Variants in SERPINB8 observed in about 807,000 individuals in gnomAD.
The protein encoded by SERPINB8 is serpin B8.
SERPINB8 carries 25 observed loss-of-function variants against 35.3 expected under a neutral mutation model. That is an observed-to-expected ratio of 0.71 (90% CI 0.52 to 0.99). The LOEUF is 0.99. SERPINB8 is among the 50% of genes least tolerant of loss of function. The probability of loss-of-function intolerance (pLI) is 0.00; values close to 1 mark genes in which losing one functional copy is unlikely to be tolerated. For missense variants in SERPINB8, 484 were observed against 446.5 expected, an observed-to-expected ratio of 1.08 and a Z score of -0.76; for synonymous variants, 186 against 160.8, an observed-to-expected ratio of 1.16 and a Z score of -1.19.
At chr18:64,008,449 A>G (rs1233689028), downstream of SERPINB8, among the ~76,000 whole-genome samples, 4 of 151,332 alleles carry the variant, frequency 2.6e-5, no homozygotes, top group South Asian at 4.2e-4. Flanking sequence ...GGGTTTTACT[A>G]TGTTGGCCAG....
rs114914807 is a variant in SERPINB8, at chr18:63,979,755, G to C, written c.169-46G>C. 6.9e-5 allele frequency: 111 copies of C among 1,610,114 alleles called. No individual in the cohort carries two copies. The African/African-American group carries it at 1.4e-3, about 21-fold the overall frequency. On this transcript the variant is annotated intron_variant, in intron 2 of 6. Coordinates refer to ENST00000397985, the MANE Select transcript of SERPINB8 (RefSeq NM_002640.4). The stretch of plus-strand genomic sequence containing the variant: ...TTTGTTTGGAGAAAGCTCTTTGGGA[G>C]AGTATAATGGCAGCGTTAAAAGTCA...
At chr18:63,971,843 G>A (rs988249735) in intron 1 of SERPINB8, among the ~76,000 whole-genome samples, 2 of 152,080 alleles carry the variant, frequency 1.3e-5, no homozygotes, top group African/African-American at 4.8e-5. Context: ...CTACCACGTG[G>A]CTCACAGGAA....
chr18:64,011,059 G>A (rs1441630511), intron 7 of SERPINB8, among the ~76,000 whole-genome samples: 1 of 151,882 alleles, frequency 6.6e-6, no homozygotes, highest in Non-Finnish European at 1.5e-5. Context: ...AAAATGATGT[G>A]ACAAGAACTA....
chr18:63,988,141 C>T lies in SERPINB8; in HGVS notation c.*863C>T, dbSNP rs571125744. 6.6e-5 allele frequency: 10 copies of T among 152,308 alleles called. No individual in the cohort carries two copies. The South Asian group carries it at 2.1e-3, about 32-fold the overall frequency. 9.4% of individuals were successfully genotyped at this position (152,308 alleles called of 1,614,324 possible). On this transcript the variant is annotated 3_prime_UTR_variant, in exon 7 of 7. Coordinates refer to ENST00000397985, the MANE Select transcript of SERPINB8 (RefSeq NM_002640.4). ...AGTCTCCAAAAAAATTGAAGTCACCCACAATTCCAACACACAGCAATCACT... is the reference window on the plus strand; with the variant it reads ...AGTCTCCAAAAAAATTGAAGTCACCTACAATTCCAACACACAGCAATCACT...
At chr18:63,975,139 A>ACC (rs2050561239) in intron 1 of SERPINB8, among the ~76,000 whole-genome samples, 1 of 147,610 alleles carries the variant, frequency 6.8e-6, no homozygotes, top group Non-Finnish European at 1.5e-5. Flanking sequence ...ACACACACAC[A>ACC]CCCCAACCTA....
rs959939743 is a variant in SERPINB8 at position 63,988,883 on chromosome 18, A to G, written c.*1605A>G. ...TCTAATTTGAAGAACACTTTAATTGACACAGAATACATTTCACATATTTAA... is the reference window on the plus strand; with the variant it reads ...TCTAATTTGAAGAACACTTTAATTGGCACAGAATACATTTCACATATTTAA... On this transcript the variant is annotated 3_prime_UTR_variant, in exon 7 of 7. Coordinates refer to ENST00000397985, the MANE Select transcript of SERPINB8 (RefSeq NM_002640.4). 1 of 150,616 alleles carries G rather than the reference A, an allele frequency of 6.6e-6. No individual in the cohort carries two copies. Among genetic ancestry groups the G allele is most frequent in the African/African-American group, 2.5e-5 (1 of 40,584 alleles). 9.3% of individuals were successfully genotyped at this position (150,616 alleles called of 1,614,324 possible).
chr18:63,977,862 A>G (rs776343570), intron 1 of SERPINB8, among the ~76,000 whole-genome samples: 2 of 152,226 alleles, frequency 1.3e-5, no homozygotes, highest in Admixed American at 6.5e-5. Flanking sequence ...TAAGTCCAAA[A>G]TGGTACAGCA....
At chr18:63,984,972 A>G in intron 5 of SERPINB8, 121 bp from the exon 6 acceptor site, 2 of 896,554 alleles carry the variant, frequency 2.2e-6, no homozygotes, top group Non-Finnish European at 1.7e-6. Flanking sequence ...TTTTATATCT[A>G]TCAGCATAAA....
In SERPINB8 at chr18:63,970,839, CTCT is replaced by C. The variant is rs1228721763; in HGVS notation, c.-11+675_-11+677del. On this transcript the variant is annotated intron_variant, in intron 1 of 6. Coordinates refer to ENST00000397985, the MANE Select transcript of SERPINB8 (RefSeq NM_002640.4). ...TTCATCTTTCTGTATCTTTCATATT[CTCT>C]TCTTCATTGTCTGCTTCCTCTCAAA... is the stretch of plus-strand genomic sequence containing the variant. Among the ~76,000 whole-genome samples the C allele has an allele frequency of 3.3e-5, 5 of 151,482 alleles. No individual in the cohort carries two copies. In the East Asian group the frequency reaches 5.9e-4, roughly 18 times the overall value.
chr18:64,011,033 G>T (rs927262801), intron 7 of SERPINB8, among the ~76,000 whole-genome samples: 13 of 151,784 alleles, frequency 8.6e-5, no homozygotes, highest in African/African-American at 3.1e-4. Flanking sequence ...ACAAAAGAAT[G>T]AAGAAATCAT....
intron 7 of SERPINB8, among the ~76,000 whole-genome samples, chr18:64,016,376 T>G (rs953968259): frequency 6.6e-6 from 1 of 152,240 alleles, no homozygotes; most frequent in Non-Finnish European, 1.5e-5. Context: ...ACCCAGGACC[T>G]ACCTATGATA....
intron 3 of SERPINB8, among the ~76,000 whole-genome samples, chr18:63,980,681 G>C (rs915140801): frequency 6.6e-6 from 1 of 152,202 alleles, no homozygotes; most frequent in East Asian, 1.9e-4. Context: ...GGAATCTCCT[G>C]ATGAATCCAT....
intron 4 of SERPINB8, among the ~76,000 whole-genome samples, chr18:63,983,316 T>C (rs2050701365): frequency 6.6e-6 from 1 of 152,176 alleles, no homozygotes; most frequent in South Asian, 2.1e-4. Context: ...GTCTGGCAAA[T>C]GCTCTGGTCC....
downstream of SERPINB8, among the ~76,000 whole-genome samples, chr18:63,991,342 G>A (rs185390511): frequency 9.6e-4 from 146 of 152,228 alleles, no homozygotes; most frequent in Non-Finnish European, 1.7e-3. Context: ...CTTCCAACCC[G>A]TGAACAAGGC....
Position 63,983,614 on chromosome 18 carries a change from G to C in SERPINB8, c.460G>C (p.Asp154His). 1 of 1,613,830 alleles carries C rather than the reference G, an allele frequency of 6.2e-7. No individual in the cohort carries two copies. Among genetic ancestry groups the C allele is most frequent in the Non-Finnish European group, 8.5e-7 (1 of 1,179,810 alleles). Reference protein sequence around the residue: ...ISEVLDAGTVDPLTKLVLVNA... With the variant: ...ISEVLDAGTVHPLTKLVLVNA... ...AGAGGTACTGGATGCTGGGACAGTC[G>C]ATCCCCTGACAAAGCTGGTCCTTGT... The change falls in exon 5 of 7, where the codon GAT (aspartate) becomes CAT (histidine). Residue 154 changes from aspartate (D) to histidine (H), a missense_variant. By Grantham distance (81) the Asp-to-His change is moderately conservative (BLOSUM62 -1). Coordinates refer to ENST00000397985, the MANE Select transcript of SERPINB8 (RefSeq NM_002640.4).
At chr18:64,019,505 T>C (rs2039764895) in exon 8 of SERPINB8, 1 of 152,162 alleles carries the variant, frequency 6.6e-6, no homozygotes, top group Non-Finnish European at 1.5e-5. Flanking sequence ...AATTGAACAA[T>C]ACATCTGTTC....
chr18:64,004,146 A>T (rs1297727908), intron 1 of SERPINB8, among the ~76,000 whole-genome samples: 1 of 96,782 alleles, frequency 1.0e-5, no homozygotes, highest in Non-Finnish European at 2.3e-5. Flanking sequence ...TGTTTTGCCT[A>T]TATCTTTTTT....
At chr18:63,986,686 T>C (rs1374710758) in intron 6 of SERPINB8, 188 bp from the exon 7 acceptor site, 13 of 1,403,822 alleles carry the variant, frequency 9.3e-6, no homozygotes, top group East Asian at 2.5e-5. Flanking sequence ...CTTGTCTCCA[T>C]AAAACTGTGA....
At chr18:63,998,190 T>C (rs1448533789) in intron 1 of SERPINB8, among the ~76,000 whole-genome samples, 3 of 152,208 alleles carry the variant, frequency 2.0e-5, no homozygotes, top group Admixed American at 1.3e-4. Context: ...CCTCATCCCA[T>C]CCAGAGCATT....
Sources: gnomAD v4.1 joint callset for allele counts (sites outside exome capture counted in the v4.1 genomes callset) on GRCh38, gnomAD v4.1.1 for gene constraint, MANE v1.5 for transcripts, NCBI Gene and HGNC (gene_info 2026-07-23, HGNC 2026-07-21) for gene names.